PHACTR4: variants seen among roughly 807,000 people sequenced by gnomAD.
The protein encoded by PHACTR4 is phosphatase and actin regulator 4, also known as protein phosphatase 1, regulatory subunit 124.
A neutral mutation model predicts 72.7 loss-of-function variants in PHACTR4; 51 were observed. The observed-to-expected ratio is 0.70, with a 90% CI of 0.56 to 0.89. PHACTR4 has a LOEUF of 0.89. Ranked by LOEUF, PHACTR4 falls within the 40% of genes least tolerant of loss-of-function variation. The probability of loss-of-function intolerance (pLI) is 0.00; values close to 1 mark genes in which losing one functional copy is unlikely to be tolerated. For missense variants in PHACTR4, 731 were observed against 861.8 expected (o/e 0.85, Z 1.90); for synonymous variants, 255 against 302.5 (o/e 0.84, Z 1.63).
At chr1:28,457,425 A>G (rs928134907) in intron 2 of PHACTR4, 35 of 346,276 alleles carry the variant, frequency 1.0e-4, no homozygotes, top group South Asian at 5.7e-4. Flanking sequence ...GTGAGACCCT[A>G]TCTCTACAAA....
intron 9 of PHACTR4, among the ~76,000 whole-genome samples, chr1:28,481,147 G>A (rs1312361397): frequency 6.6e-6 from 1 of 151,888 alleles, no homozygotes; most frequent in African/African-American, 2.4e-5. Context: ...TCCCACCTCA[G>A]CCTCTTGACT....
intron 2 of PHACTR4, among the ~76,000 whole-genome samples, chr1:28,422,122 C>T (rs1655547145): frequency 1.3e-5 from 2 of 152,096 alleles, no homozygotes; most frequent in Non-Finnish European, 2.9e-5. Context: ...AATAAAAATA[C>T]TTGTGTTATT....
At chr1:28,406,218 C>T (rs889327072) in intron 1 of PHACTR4, among the ~76,000 whole-genome samples, 1 of 152,240 alleles carries the variant, frequency 6.6e-6, no homozygotes, top group South Asian at 2.1e-4. Flanking sequence ...ATGGAGTTGT[C>T]ATGTATTATT....
chr1:28,371,176 G>A (rs893065773), intron 1 of PHACTR4, among the ~76,000 whole-genome samples: 1 of 152,150 alleles, frequency 6.6e-6, no homozygotes, highest in Non-Finnish European at 1.5e-5. Flanking sequence ...ACAGTGGAGA[G>A]CTCCTAGTTC....
At chr1:28,441,092 A>G (rs1461948586) in intron 2 of PHACTR4, among the ~76,000 whole-genome samples, 2 of 152,074 alleles carry the variant, frequency 1.3e-5, no homozygotes, top group African/African-American at 4.8e-5. Flanking sequence ...AGAGGCCCCT[A>G]TGTAGATATT....
At chr1:28,408,642 A>G (rs1001669800) in intron 2 of PHACTR4, among the ~76,000 whole-genome samples, 1 of 151,586 alleles carries the variant, frequency 6.6e-6, no homozygotes, top group African/African-American at 2.4e-5. Flanking sequence ...GTGTGTCTAT[A>G]TATGTGTGTG....
At chr1:28,444,527 C>T (rs924281429) in intron 2 of PHACTR4, among the ~76,000 whole-genome samples, 4 of 151,644 alleles carry the variant, frequency 2.6e-5, no homozygotes, top group Non-Finnish European at 5.9e-5. Flanking sequence ...AGCCCTTGGC[C>T]TATTTGGGCA....
chr1:28,463,381 G>A (rs1182514272), intron 4 of PHACTR4, among the ~76,000 whole-genome samples: 1 of 152,128 alleles, frequency 6.6e-6, no homozygotes, highest in African/African-American at 2.4e-5. Flanking sequence ...TATAAGAAAT[G>A]ATACTGCAAA....
Position 28,379,730 on chromosome 1 carries a change from C to T in PHACTR4, c.-39+9905C>T, listed in dbSNP as rs559412253. On this transcript the variant is annotated intron_variant, in intron 1 of 13. Coordinates refer to ENST00000373839, the MANE Select transcript of PHACTR4 (RefSeq NM_001048183.3). ...TCAGCCTCCCGAGTAGCTGGGACTA[C>T]AGGCGCCCGCCACCACACCCGACTA... Among the ~76,000 whole-genome samples, 42 of 151,730 alleles carry T rather than the reference C, an allele frequency of 2.8e-4. No homozygotes were observed. The South Asian group carries it at 3.8e-3, about 14-fold the overall frequency.
intron 2 of PHACTR4, among the ~76,000 whole-genome samples, chr1:28,432,255 A>G (rs745307429): frequency 2.6e-5 from 4 of 151,384 alleles, no homozygotes; most frequent in African/African-American, 9.7e-5. Flanking sequence ...TATAGGTTAT[A>G]TGTGGTAATT....
At chr1:28,442,791 C>A (rs1657136260) in intron 2 of PHACTR4, among the ~76,000 whole-genome samples, 1 of 149,742 alleles carries the variant, frequency 6.7e-6, no homozygotes, top group Admixed American at 6.7e-5. Context: ...CAAGTGTGAG[C>A]CACTGTGCCT....
At chr1:28,385,248 C>T (rs1302846665) in intron 1 of PHACTR4, among the ~76,000 whole-genome samples, 1 of 151,964 alleles carries the variant, frequency 6.6e-6, no homozygotes, top group Admixed American at 6.6e-5. Context: ...ATTATTTACT[C>T]AAAAGTCATT....
chr1:28,455,634 G>A (rs886392184), intron 2 of PHACTR4, among the ~76,000 whole-genome samples: 7 of 152,114 alleles, frequency 4.6e-5, no homozygotes, highest in African/African-American at 1.4e-4. Flanking sequence ...AGGACCCTAG[G>A]CTGACCTGGA....
chr1:28,491,301 A>T lies in PHACTR4; in HGVS notation c.1878+289A>T, dbSNP rs139782392. Among the ~76,000 whole-genome samples the T allele has an allele frequency of 4.6e-3, 703 of 152,020 alleles. 24 individuals are homozygous for T. Among genetic ancestry groups the T allele is most frequent in the East Asian group, 5.0e-3 (26 of 5,172 alleles). On this transcript the variant is annotated intron_variant, in intron 11 of 13. Transcript: ENST00000373839. Reference sequence around the variant, plus strand: ...GCAAGACCCCACCTCTACAAAAAAAAATATATATTAGCCAGGCATGGTGGT... The same window carrying T: ...GCAAGACCCCACCTCTACAAAAAAATATATATATTAGCCAGGCATGGTGGT...
chr1:28,466,096 C>T (rs1466587241), intron 5 of PHACTR4, among the ~76,000 whole-genome samples: 1 of 152,092 alleles, frequency 6.6e-6, no homozygotes, highest in Non-Finnish European at 1.5e-5. Flanking sequence ...GGATTTTTTC[C>T]AGCTACACAT....
At position 28,464,015 on chromosome 1, in the gene PHACTR4, G is replaced by C. The variant is rs187007298; in HGVS notation, c.272-1670G>C. ...CAAATTGTTGGGATTACAGGCATGA[G>C]CACCACTGTGCCCAGCCCATAACCA... On this transcript the variant is annotated intron_variant, in intron 4 of 13. Transcript: ENST00000373839. Among the ~76,000 whole-genome samples the C allele has an allele frequency of 1.2e-4, 18 of 150,990 alleles. No individual in the cohort carries two copies. In the East Asian group the frequency reaches 3.5e-3, roughly 29 times the overall value.
intron 9 of PHACTR4, among the ~76,000 whole-genome samples, chr1:28,484,546 A>ATG (rs1386350566): frequency 6.6e-6 from 1 of 151,188 alleles, no homozygotes; most frequent in East Asian, 1.9e-4. Context: ...GTGTATATAT[A>ATG]TGTGTGTATG....
At chr1:28,453,607 C>CT in intron 2 of PHACTR4, 1 of 1,162,856 alleles carries the variant, frequency 8.6e-7, no homozygotes. Flanking sequence ...TTCTGACCTT[C>CT]TACAGTGAGG....
rs1385049692 is a variant in PHACTR4, at chr1:28,499,700, A to T, written c.*3151A>T. On this transcript the variant is annotated 3_prime_UTR_variant, in exon 14 of 14. Coordinates refer to ENST00000373839, the MANE Select transcript of PHACTR4 (RefSeq NM_001048183.3). ...CATATTGCCCAGGCTCGTCTTGAAC[A>T]CCGGGGCTCAAGGAATCTGCCCATC... is the stretch of plus-strand genomic sequence containing the variant. 6.6e-6 allele frequency: 1 copy of T among 152,074 alleles called. No homozygotes were observed. The highest frequency in any genetic ancestry group is 1.5e-5 in the Non-Finnish European group (1 of 68,036). 9.4% of individuals were successfully genotyped at this position (152,074 alleles called of 1,614,324 possible). A position where few individuals can be genotyped will look rare whatever the true frequency, so the allele number is the denominator to read the frequency against.
Sources: gnomAD v4.1 joint callset for allele counts (sites outside exome capture counted in the v4.1 genomes callset) on GRCh38, gnomAD v4.1.1 for gene constraint, MANE v1.5 for transcripts, NCBI Gene and HGNC (gene_info 2026-07-23, HGNC 2026-07-21) for gene names.